CDH12: variants seen among roughly 807,000 people sequenced by gnomAD.
The protein encoded by CDH12 is cadherin 12.
Under a neutral mutation model 74.1 loss-of-function variants are expected in CDH12, and 41 were observed. The observed-to-expected ratio is 0.55, with a 90% confidence interval of 0.43 to 0.72. CDH12 has a LOEUF of 0.72. Among genes scored for constraint, CDH12 ranks in the 30% least tolerant of loss-of-function variants. The pLI is 0.00. For synonymous variants in CDH12, 399 were observed against 355.0 expected (o/e 1.12, Z -1.39); for missense variants, 945 against 977.2 (o/e 0.97, Z 0.44).
chr5:22,450,368 C>T (rs1176616433), intron 2 of CDH12, among the ~76,000 whole-genome samples: 1 of 151,854 alleles, frequency 6.6e-6, no homozygotes, highest in African/African-American at 2.4e-5. Flanking sequence ...ATGGATCCAC[C>T]TCCTTTCTTC....
At chr5:22,130,353 C>T (rs1746115008) in intron 4 of CDH12, among the ~76,000 whole-genome samples, 1 of 151,864 alleles carries the variant, frequency 6.6e-6, no homozygotes, top group Non-Finnish European at 1.5e-5. Flanking sequence ...TGACTTTTTT[C>T]TCTATTTCAG....
intron 1 of CDH12, among the ~76,000 whole-genome samples, chr5:22,543,161 A>G (rs1738177561): frequency 6.6e-6 from 1 of 152,120 alleles, no homozygotes; most frequent in South Asian, 2.1e-4. Context: ...ATGAGGTTAA[A>G]AATGCCTACC....
chr5:22,229,472 G>A (rs1249417713), intron 3 of CDH12, among the ~76,000 whole-genome samples: 1 of 150,170 alleles, frequency 6.7e-6, no homozygotes, highest in Non-Finnish European at 1.5e-5. Flanking sequence ...AAGATTTTGA[G>A]CCTTGCTGGC....
chr5:22,309,915 T>A (rs1271348227), intron 3 of CDH12, among the ~76,000 whole-genome samples: 1 of 146,534 alleles, frequency 6.8e-6, no homozygotes, highest in Non-Finnish European at 1.5e-5. Context: ...GGCTCCCAAA[T>A]TCTGCCGTTA....
At chr5:22,478,434 A>AG (rs1554043812) in intron 2 of CDH12, among the ~76,000 whole-genome samples, 49 of 151,366 alleles carry the variant, frequency 3.2e-4, no homozygotes, top group African/African-American at 1.0e-3. Flanking sequence ...AAAAAAAAAA[A>AG]AAAGAAAGAA....
chr5:21,975,040 A>G (rs1243355336), intron 6 of CDH12, 51 bp downstream of exon 6: 21 of 1,126,152 alleles, frequency 1.9e-5, no homozygotes, highest in Non-Finnish European at 2.5e-5. Context: ...CAAAAAGTCA[A>G]TGTTGAAGAG....
rs535815414 is a variant in CDH12, at chr5:22,466,978, G to A, written c.-428+38292C>T. On this transcript the variant is annotated intron_variant, in intron 2 of 14. Coordinates refer to ENST00000382254, the MANE Select transcript of CDH12 (RefSeq NM_004061.5). The stretch of plus-strand genomic sequence containing the variant: ...TAATTTTTGTATTTTTAGTAGACAC[G>A]GGGTTTCACCATGTTGGCCAGGATG... 1.9e-4 allele frequency among the ~76,000 whole-genome samples: 28 copies of A among 147,700 alleles called. No individual in the cohort carries two copies. In the South Asian group the frequency reaches 4.3e-3, roughly 23 times the overall value.
chr5:22,585,984 T>C (rs2126790927), intron 1 of CDH12, among the ~76,000 whole-genome samples: 2 of 152,244 alleles, frequency 1.3e-5, no homozygotes, highest in Middle Eastern at 3.4e-3. Flanking sequence ...GCAATCCCAT[T>C]ACTGGGTATA....
intron 4 of CDH12, among the ~76,000 whole-genome samples, chr5:22,210,808 G>A (rs1222490397): frequency 6.6e-6 from 1 of 150,810 alleles, no homozygotes; most frequent in African/African-American, 2.5e-5. Context: ...GGTTAATGTT[G>A]CCTCTTTCTG....
At chr5:21,857,402 T>C (rs1181049755) in intron 6 of CDH12, among the ~76,000 whole-genome samples, 1 of 151,784 alleles carries the variant, frequency 6.6e-6, no homozygotes, top group African/African-American at 2.4e-5. Context: ...CACTCTTGTA[T>C]AAGTGGTCAG....
intron 5 of CDH12, among the ~76,000 whole-genome samples, chr5:22,011,415 TA>T (rs1302200203): frequency 3.9e-5 from 6 of 152,238 alleles, no homozygotes; most frequent in African/African-American, 7.2e-5. Flanking sequence ...AGAAAAAGAA[TA>T]ATGAGAGATA....
intron 6 of CDH12, among the ~76,000 whole-genome samples, chr5:21,935,811 C>A (rs1462209691): frequency 3.3e-5 from 5 of 152,136 alleles, no homozygotes; most frequent in Admixed American, 6.5e-5. Flanking sequence ...CTGTTTTAAG[C>A]CTTAGCTCCC....
chr5:21,751,740 A>C lies in CDH12; in HGVS notation c.2382T>G (p.Thr794=). 6.2e-7 allele frequency: 1 copy of C among 1,609,150 alleles called. No homozygotes were observed. Residue 794 remains threonine, a synonymous_variant, in exon 15 of 15, where the codon ACT becomes ACG. Coordinates refer to ENST00000382254, the MANE Select transcript of CDH12 (RefSeq NM_004061.5). ...EEESYNPDKV[T] ...TATTTTAGCCTCCACGACTCCCTTA[A>C]GTGACTTTATCAGGGTTATAACTCT...
At chr5:22,415,243 T>G (rs1284952247) in intron 2 of CDH12, among the ~76,000 whole-genome samples, 1 of 152,102 alleles carries the variant, frequency 6.6e-6, no homozygotes, top group Non-Finnish European at 1.5e-5. Context: ...TTTTGAAAAT[T>G]GACACATATG....
chr5:22,793,873 T>C (rs193277698), intron 1 of CDH12, among the ~76,000 whole-genome samples: 98 of 152,276 alleles, frequency 6.4e-4, no homozygotes, highest in Non-Finnish European at 1.1e-3. Flanking sequence ...TCACAATTTG[T>C]TATGCTTCTT....
intron 1 of CDH12, among the ~76,000 whole-genome samples, chr5:22,713,298 G>T (rs1414853986): frequency 6.6e-6 from 1 of 151,452 alleles, no homozygotes; most frequent in African/African-American, 2.4e-5. Context: ...AAACCACCAT[G>T]CCCCACTGAT....
At chr5:22,538,255 A>C (rs1351743086) in intron 1 of CDH12, among the ~76,000 whole-genome samples, 1 of 152,180 alleles carries the variant, frequency 6.6e-6, no homozygotes, top group Non-Finnish European at 1.5e-5. Context: ...ACTCTTTTTC[A>C]GCCAATCTAC....
intron 4 of CDH12, among the ~76,000 whole-genome samples, chr5:22,187,875 G>A (rs1750054739): frequency 6.6e-6 from 1 of 152,206 alleles, no homozygotes; most frequent in Non-Finnish European, 1.5e-5. Flanking sequence ...AATGAGAGAG[G>A]AGTTCTGCAG....
intron 3 of CDH12, among the ~76,000 whole-genome samples, chr5:22,247,171 T>C (rs1184735461): frequency 6.6e-6 from 1 of 152,198 alleles, no homozygotes; most frequent in Non-Finnish European, 1.5e-5. Flanking sequence ...AAAGTGTACA[T>C]GACTTATTTA....
Sources: gnomAD v4.1 joint callset for allele counts (sites outside exome capture counted in the v4.1 genomes callset) on GRCh38, gnomAD v4.1.1 for gene constraint, MANE v1.5 for transcripts, NCBI Gene and HGNC (gene_info 2026-07-23, HGNC 2026-07-21) for gene names.